Variants in KLHL4 observed in about 807,000 individuals in gnomAD.
KLHL4 encodes kelch-like protein 4.
KLHL4 carries 17 observed loss-of-function variants against 45.8 expected under a neutral mutation model. The observed-to-expected ratio is 0.37, with a 90% CI of 0.25 to 0.56. KLHL4 has a LOEUF of 0.56. Among genes scored for constraint, KLHL4 ranks in the 20% least tolerant of loss-of-function variants. KLHL4 has a pLI of 0.79. For missense variants in KLHL4, 544 were observed against 544.9 expected, an observed-to-expected ratio of 1.00 and a Z score of 0.02; for synonymous variants, 224 against 189.9, an observed-to-expected ratio of 1.18 and a Z score of -1.47.
At chrX:87,658,186 A>G (rs1216862403) in intron 9 of KLHL4, among the ~76,000 whole-genome samples, 1 of 111,461 alleles carries the variant, frequency 9.0e-6, no homozygotes, top group Non-Finnish European at 1.9e-5. Flanking sequence ...CCCAGATGAT[A>G]CCCTTCCTAG....
rs187863680 is a variant in KLHL4 at position 87,639,907 on chromosome X, G to A, written c.1925+4132G>A. Among the ~76,000 whole-genome samples, 470 of 109,970 alleles carry A rather than the reference G, an allele frequency of 4.3e-3. 3 individuals carry two copies. The highest frequency in any genetic ancestry group is 6.5e-3 in the Non-Finnish European group (341 of 52,623). ...ATACAAAAGAGAAAACACACAGCTG[G>A]TTCTTTGAAAAAAATAAACCAAATG... On this transcript the variant is annotated intron_variant, in intron 9 of 10. Transcript: ENST00000373119.
intron 1 of KLHL4, among the ~76,000 whole-genome samples, chrX:87,544,270 C>T (rs187534026): frequency 3.6e-5 from 4 of 111,260 alleles, no homozygotes; most frequent in Non-Finnish European, 7.5e-5. Flanking sequence ...GGAAGAGCTG[C>T]GTCTTGTGTT....
intron 9 of KLHL4, among the ~76,000 whole-genome samples, chrX:87,642,041 C>T (rs1422226399): frequency 9.1e-6 from 1 of 110,202 alleles, no homozygotes; most frequent in Non-Finnish European, 1.9e-5. Flanking sequence ...ACTACCATAG[C>T]TGATGCTTTC....
intron 1 of KLHL4, among the ~76,000 whole-genome samples, chrX:87,527,284 GCATC>G (rs766071516): frequency 3.6e-5 from 4 of 111,441 alleles, no homozygotes; most frequent in African/African-American, 6.5e-5. Flanking sequence ...GTAAGCTGTT[GCATC>G]ATAGCACCAT....
intron 1 of KLHL4, among the ~76,000 whole-genome samples, chrX:87,558,306 G>A (rs1208689140): frequency 9.0e-6 from 1 of 111,023 alleles, no homozygotes; most frequent in African/African-American, 3.3e-5. Context: ...AAATGAGGAC[G>A]GTACATGTAC....
intron 3 of KLHL4, among the ~76,000 whole-genome samples, chrX:87,616,658 G>A (rs1922566253): frequency 9.0e-6 from 1 of 111,537 alleles, no homozygotes; most frequent in East Asian, 2.8e-4. Context: ...CTTTCCTACT[G>A]TATCGAAGAC....
intron 1 of KLHL4, among the ~76,000 whole-genome samples, chrX:87,531,563 G>C (rs1158918296): frequency 1.9e-5 from 2 of 107,597 alleles, no homozygotes; most frequent in Admixed American, 2.1e-4. Context: ...CAGATGACAT[G>C]ATTGTATATC....
intron 9 of KLHL4, among the ~76,000 whole-genome samples, chrX:87,658,558 G>A (rs1324535440): frequency 9.0e-6 from 1 of 111,068 alleles, no homozygotes; most frequent in Non-Finnish European, 1.9e-5. Flanking sequence ...CTCCCCAGTG[G>A]GAATGTGTAT....
rs762220488 is a variant in KLHL4 at position 87,518,194 on chromosome X, C to A, written c.301C>A (p.Gln101Lys). Residue 101 changes from glutamine (Q) to lysine (K), a missense_variant, in exon 1 of 11, where the codon CAA (glutamine) becomes AAA (lysine). By Grantham distance (53) the Gln-to-Lys change is moderately conservative (BLOSUM62 1). Coordinates refer to ENST00000373119, the MANE Select transcript of KLHL4 (RefSeq NM_019117.5). ...GCAACATAATCTGATAGTACATTTT[C>A]AAGCAAATGAAGATACTCCTAAATC... is the stretch of plus-strand genomic sequence containing the variant. ...LQQHNLIVHF[Q>K]ANEDTPKSVP... The A allele has an allele frequency of 8.3e-7, 1 of 1,211,546 alleles. No homozygotes were observed. Among genetic ancestry groups the A allele is most frequent in the South Asian group, 1.8e-5 (1 of 56,995 alleles).
At position 87,635,781 on chromosome X, in the gene KLHL4, T is replaced by C; in HGVS notation, c.1925+6T>C. The C allele has an allele frequency of 1.8e-6, 2 of 1,116,505 alleles. No individual in the cohort carries two copies. Among genetic ancestry groups the C allele is most frequent in the Non-Finnish European group, 2.4e-6 (2 of 832,887 alleles). The allele number at this position is 1,116,505 out of a possible 1,213,427, so 92.0% of individuals were successfully genotyped here. ...CTTTCTGACTGTGTGGAACGGTAAG[T>C]TTTTTCTATTTCCTTCTGTATGTAA... is the stretch of plus-strand genomic sequence containing the variant. On this transcript the variant is annotated splice_donor_region_variant and intron_variant, in intron 9 of 10. Transcript: ENST00000373119.
intron 1 of KLHL4, among the ~76,000 whole-genome samples, chrX:87,544,917 T>G (rs1221135218): frequency 9.0e-6 from 1 of 111,642 alleles, no homozygotes; most frequent in Non-Finnish European, 1.9e-5. Context: ...CATACTAGGA[T>G]CAATGCCATT....
At chrX:87,652,932 G>A (rs1923866689) in intron 9 of KLHL4, among the ~76,000 whole-genome samples, 2 of 112,180 alleles carry the variant, frequency 1.8e-5, no homozygotes, top group Non-Finnish European at 3.8e-5. Context: ...GTTCCATGTG[G>A]CCGTGGAGGC....
At chrX:87,601,294 A>T (rs1922009164) in intron 1 of KLHL4, among the ~76,000 whole-genome samples, 1 of 111,320 alleles carries the variant, frequency 9.0e-6, no homozygotes, top group South Asian at 3.8e-4. Flanking sequence ...CCAACTCTTG[A>T]CTTGGGGTTT....
chrX:87,519,701 G>T (rs1210249071), intron 1 of KLHL4, among the ~76,000 whole-genome samples: 1 of 112,150 alleles, frequency 8.9e-6, no homozygotes, highest in Non-Finnish European at 1.9e-5. Flanking sequence ...GTAATATAGA[G>T]TCCATAATTT....
chrX:87,542,970 T>A (rs772874842), intron 1 of KLHL4, among the ~76,000 whole-genome samples: 2 of 111,404 alleles, frequency 1.8e-5, no homozygotes, highest in Non-Finnish European at 3.8e-5. Flanking sequence ...GGGAGGTGAC[T>A]TGATCATGGG....
At chrX:87,651,126 C>T (rs751843671) in intron 9 of KLHL4, among the ~76,000 whole-genome samples, 82 of 111,851 alleles carry the variant, frequency 7.3e-4, no homozygotes, top group Non-Finnish European at 1.3e-3. Flanking sequence ...AATTACAGCG[C>T]GTTGGAAATT....
chrX:87,657,072 T>C (rs1924015054), intron 9 of KLHL4, among the ~76,000 whole-genome samples: 1 of 112,209 alleles, frequency 8.9e-6, no homozygotes, highest in African/African-American at 3.2e-5. Context: ...GGAGCTGGGG[T>C]GGCAGAGCTC....
Position 87,669,589 on chromosome X carries a change from G to A in KLHL4, c.*3055G>A, listed in dbSNP as rs1924497220. On this transcript the variant is annotated 3_prime_UTR_variant, in exon 11 of 11. Transcript: ENST00000373119. Reference sequence around the variant, plus strand: ...ACAAGACTCCTACCTTGAGATCTTAGTCTAGGTAAAGAAAAAAAAAAAAAG... The same window carrying A: ...ACAAGACTCCTACCTTGAGATCTTAATCTAGGTAAAGAAAAAAAAAAAAAG... 1 of 337,446 alleles carries A rather than the reference G, an allele frequency of 3.0e-6. No individual in the cohort carries two copies. Among genetic ancestry groups the A allele is most frequent in the Non-Finnish European group, 4.8e-6 (1 of 209,664 alleles). The allele number at this position is 337,446 out of a possible 1,213,427, so 27.8% of individuals were successfully genotyped here. A position where few individuals can be genotyped will look rare whatever the true frequency, so the allele number is the denominator to read the frequency against.
intron 9 of KLHL4, among the ~76,000 whole-genome samples, chrX:87,642,575 T>C (rs755192829): frequency 9.0e-6 from 1 of 111,624 alleles, no homozygotes; most frequent in East Asian, 2.8e-4. Context: ...GAAAAAGAAT[T>C]CAGGAGGTTA....
Sources: gnomAD v4.1 joint callset for allele counts (sites outside exome capture counted in the v4.1 genomes callset) on GRCh38, gnomAD v4.1.1 for gene constraint, MANE v1.5 for transcripts, NCBI Gene and HGNC (gene_info 2026-07-23, HGNC 2026-07-21) for gene names.